RALY: variants seen among roughly 807,000 people sequenced by gnomAD.
The protein encoded by RALY is RALY heterogeneous nuclear ribonucleoprotein, also known as RNA-binding protein Raly.
In RALY, 15 loss-of-function variants were observed where a neutral mutation model predicts 30.7. The ratio of observed to expected loss-of-function variants is 0.49; its 90% CI spans 0.33 to 0.75. The LOEUF (loss-of-function observed/expected upper bound fraction) is 0.75, where lower values mean the gene tolerates loss of function less well. Among genes scored for constraint, RALY ranks in the 30% least tolerant of loss-of-function variants. RALY has a pLI of 0.02. For missense variants in RALY, 339 were observed against 414.3 expected (o/e 0.82, Z 1.58); for synonymous variants, 177 against 170.8 (o/e 1.04, Z -0.28).
At chr20:34,068,860 G>C (rs895296645) in intron 2 of RALY, among the ~76,000 whole-genome samples, 2 of 152,176 alleles carry the variant, frequency 1.3e-5, no homozygotes, top group Admixed American at 1.3e-4. Flanking sequence ...CACCCCCACA[G>C]ATACCTGTCT....
chr20:34,079,882 C>A, intron 9 of RALY, 28 bp from the exon 10 acceptor site: 1 of 152,556 alleles, frequency 6.6e-6, no homozygotes, highest in Non-Finnish European at 1.5e-5. Context: ...CAGCCTTAGT[C>A]TCTTCTTTCT....
At chr20:34,073,258 T>C (rs1304459622) in intron 3 of RALY, among the ~76,000 whole-genome samples, 1 of 151,652 alleles carries the variant, frequency 6.6e-6, no homozygotes, top group East Asian at 1.9e-4. Flanking sequence ...TGAGTGTATT[T>C]GAGAATGCAT....
intron 2 of RALY, among the ~76,000 whole-genome samples, chr20:34,064,641 T>G (rs768898253): frequency 6.6e-6 from 1 of 152,102 alleles, no homozygotes; most frequent in Non-Finnish European, 1.5e-5. Context: ...CCCAACTCCC[T>G]TACTCTCAGG....
intron 2 of RALY, among the ~76,000 whole-genome samples, chr20:34,054,226 T>G (rs2033170194): frequency 6.6e-6 from 1 of 152,234 alleles, no homozygotes; most frequent in Admixed American, 6.5e-5. Context: ...TTTCACCTGT[T>G]CACTAGCAGA....
intron 1 of RALY, among the ~76,000 whole-genome samples, chr20:34,012,222 C>CT (rs2031429114): frequency 6.6e-6 from 1 of 152,202 alleles, no homozygotes; most frequent in Non-Finnish European, 1.5e-5. Context: ...GAGAGCTGGG[C>CT]TAAGGCTTCT....
intron 2 of RALY, among the ~76,000 whole-genome samples, chr20:34,055,845 G>A (rs1397424590): frequency 6.6e-6 from 1 of 152,186 alleles, no homozygotes; most frequent in African/African-American, 2.4e-5. Context: ...ATTACCTCCA[G>A]TTAATGGATC....
chr20:34,012,793 C>T (rs1203317345), intron 1 of RALY, among the ~76,000 whole-genome samples: 1 of 152,266 alleles, frequency 6.6e-6, no homozygotes, highest in Non-Finnish European at 1.5e-5. Flanking sequence ...TATCACTTTG[C>T]TGCCTTTTGT....
intron 2 of RALY, among the ~76,000 whole-genome samples, chr20:34,066,998 G>C (rs1555808439): frequency 6.6e-6 from 1 of 152,186 alleles, no homozygotes; most frequent in Non-Finnish European, 1.5e-5. Flanking sequence ...AGGCATCCCT[G>C]TGCCATGTGC....
chr20:34,073,529 T>G lies in RALY; in HGVS notation c.257-34T>G, dbSNP rs371443894. On this transcript the variant is annotated intron_variant, in intron 3 of 9. Transcript: ENST00000246194. ...GATGTGTGTGGGCACACTGTCATGT[T>G]AGCATTCCAACTCTGCCTTCTCCCT... 3.9e-5 allele frequency: 60 copies of G among 1,529,840 alleles called. No homozygotes were observed. The African/African-American group carries it at 7.4e-4, about 19-fold the overall frequency. The allele number at this position is 1,529,840 out of a possible 1,614,324, so 94.8% of individuals were successfully genotyped here. A position where few individuals can be genotyped will look rare whatever the true frequency, so the allele number is the denominator to read the frequency against.
intron 1 of RALY, among the ~76,000 whole-genome samples, chr20:34,025,131 G>A (rs906681430): frequency 6.6e-6 from 1 of 152,160 alleles, no homozygotes; most frequent in African/African-American, 2.4e-5. Context: ...TGCGTTGGAG[G>A]CTGCCTTCAG....
intron 2 of RALY, among the ~76,000 whole-genome samples, chr20:34,067,997 C>T (rs2033625965): frequency 6.6e-6 from 1 of 152,210 alleles, no homozygotes. Context: ...CAAGTTTTTA[C>T]TGTGGGTAAA....
intron 2 of RALY, among the ~76,000 whole-genome samples, chr20:34,063,582 A>G (rs961560566): frequency 3.3e-5 from 5 of 152,206 alleles, no homozygotes; most frequent in African/African-American, 9.7e-5. Flanking sequence ...ATAAAGTTCT[A>G]CATATTAAAT....
At chr20:34,026,229 C>T (rs1191210005) in intron 1 of RALY, among the ~76,000 whole-genome samples, 2 of 151,988 alleles carry the variant, frequency 1.3e-5, no homozygotes, top group East Asian at 3.9e-4. Context: ...CTCCTATTGA[C>T]ACATTTAGTT....
intron 1 of RALY, among the ~76,000 whole-genome samples, chr20:34,027,561 G>A (rs573906030): frequency 6.6e-6 from 1 of 152,320 alleles, no homozygotes; most frequent in East Asian, 1.9e-4. Context: ...TGAACTGTTA[G>A]ATCCTGCCTA....
intron 1 of RALY, among the ~76,000 whole-genome samples, chr20:34,012,408 C>T (rs187498492): frequency 8.6e-4 from 131 of 152,230 alleles, no homozygotes; most frequent in Non-Finnish European, 1.6e-3. Flanking sequence ...GCCTCAGGGC[C>T]GAGATAGATC....
intron 1 of RALY, among the ~76,000 whole-genome samples, chr20:33,995,703 C>T (rs1463040985): frequency 6.6e-6 from 1 of 152,138 alleles, no homozygotes; most frequent in Non-Finnish European, 1.5e-5. Flanking sequence ...GGGGTCTTAC[C>T]ATCTGGTCCA....
At chr20:34,042,431 C>G (rs989962108) in intron 2 of RALY, among the ~76,000 whole-genome samples, 1 of 152,180 alleles carries the variant, frequency 6.6e-6, no homozygotes, top group Non-Finnish European at 1.5e-5. Context: ...CTACCCTGAG[C>G]TGTATGTCAT....
At chr20:34,026,810 G>A (rs2032060228) in intron 1 of RALY, among the ~76,000 whole-genome samples, 1 of 152,196 alleles carries the variant, frequency 6.6e-6, no homozygotes, top group East Asian at 1.9e-4. Flanking sequence ...AATGGGAAAA[G>A]GACACCTTAA....
intron 1 of RALY, among the ~76,000 whole-genome samples, chr20:34,017,061 C>T (rs983001760): frequency 4.9e-5 from 1 of 20,356 alleles, no homozygotes; most frequent in African/African-American, 3.3e-4. Context: ...GCAGGGCTAC[C>T]CTGAACAAAC....
Sources: allele counts gnomAD v4.1 joint callset (sites outside exome capture counted in the v4.1 genomes callset), GRCh38; gene constraint gnomAD v4.1.1; transcripts MANE v1.5; gene names NCBI Gene and HGNC (gene_info 2026-07-23, HGNC 2026-07-21).